The following FHIT variants were observed in gnomAD, a reference collection of about 807,000 sequenced individuals.
The protein encoded by FHIT is bis(5'-adenosyl)-triphosphatase.
FHIT carries 19 observed loss-of-function variants against 17.9 expected under a neutral mutation model. The observed-to-expected ratio is 1.06, with a 90% CI of 0.74 to 1.56. The LOEUF (loss-of-function observed/expected upper bound fraction) is 1.56, where lower values mean the gene tolerates loss of function less well. Among genes scored for constraint, FHIT ranks in the 40% most tolerant of loss-of-function variants. The pLI is 0.00. For synonymous variants in FHIT, 81 were observed against 69.7 expected (o/e 1.16, Z -0.81); for missense variants, 248 against 189.2 (o/e 1.31, Z -1.82).
rs142075112 is a variant in FHIT, at chr3:60,604,385, T to C, written c.-17-67406A>G. On this transcript the variant is annotated intron_variant, in intron 4 of 9. Transcript: ENST00000492590. Reference sequence around the variant, plus strand: ...ACCATTATAATGAGATCAAATCATATGCTAACAAAGAAATCAGTAATTAGA... The same window carrying C: ...ACCATTATAATGAGATCAAATCATACGCTAACAAAGAAATCAGTAATTAGA... 2.1e-3 allele frequency among the ~76,000 whole-genome samples: 318 copies of C among 152,258 alleles called. 2 individuals carry two copies. The highest frequency in any genetic ancestry group is 7.1e-3 in the African/African-American group (297 of 41,550).
chr3:60,831,894 G>T lies in FHIT; in HGVS notation c.-110-9883C>A, dbSNP rs548999991. Among the ~76,000 whole-genome samples the T allele has an allele frequency of 3.3e-5, 5 of 152,140 alleles. No homozygotes were observed. In the South Asian group the frequency reaches 8.3e-4, roughly 25 times the overall value. On this transcript the variant is annotated intron_variant, in intron 3 of 9. Transcript: ENST00000492590. ...AAAAGGCTTCTTTCAGCAATAGGGC[G>T]CTAAGATTTATGAGACATGATTGTA...
chr3:61,025,818 C>T (rs1254851558), intron 3 of FHIT, among the ~76,000 whole-genome samples: 1 of 152,158 alleles, frequency 6.6e-6, no homozygotes, highest in Non-Finnish European at 1.5e-5. Flanking sequence ...GCTTTTGTGA[C>T]TGTAGTTCTA....
At chr3:60,155,518 A>G (rs1700647169) in intron 5 of FHIT, among the ~76,000 whole-genome samples, 1 of 152,182 alleles carries the variant, frequency 6.6e-6, no homozygotes, top group South Asian at 2.1e-4. Flanking sequence ...TTGCCTTTGC[A>G]GAACTGCCCA....
intron 2 of FHIT, among the ~76,000 whole-genome samples, chr3:61,066,136 C>T (rs2034601107): frequency 6.6e-6 from 1 of 152,164 alleles, no homozygotes; most frequent in African/African-American, 2.4e-5. Flanking sequence ...GGATAACAAA[C>T]CCACTCTTGC....
rs114774456 is a variant in FHIT at position 59,855,373 on chromosome 3, C to T, written c.348+66973G>A. On this transcript the variant is annotated intron_variant, in intron 8 of 9. Transcript: ENST00000492590. Reference sequence around the variant, plus strand: ...GTTCCTGAGTGCCAGGTTCATCTTTCTTCTTACAGGGTTTTATTGCATGTA... The same window carrying T: ...GTTCCTGAGTGCCAGGTTCATCTTTTTTCTTACAGGGTTTTATTGCATGTA... 3.9e-3 allele frequency among the ~76,000 whole-genome samples: 598 copies of T among 152,238 alleles called. 1 individual carries two copies. Among genetic ancestry groups the T allele is most frequent in the Middle Eastern group, 0.037 (11 of 294 alleles).
At chr3:61,183,673 A>G (rs1408026704) in intron 2 of FHIT, among the ~76,000 whole-genome samples, 1 of 152,248 alleles carries the variant, frequency 6.6e-6, no homozygotes, top group Non-Finnish European at 1.5e-5. Context: ...TGACTGTAGT[A>G]TATCAAAAGC....
At chr3:61,193,316 CTAGAGAGGTGACAGGACTTTTGATCGGGA>C (rs2038768129) in intron 2 of FHIT, among the ~76,000 whole-genome samples, 1 of 152,138 alleles carries the variant, frequency 6.6e-6, no homozygotes, top group East Asian at 1.9e-4. Context: ...TGGCAGAACT[CTAGAGAGGTGACAGGACTTTTGATCGGGA>C]TAGTGATGGG....
chr3:60,465,914 T>C (rs1218791574), intron 5 of FHIT, among the ~76,000 whole-genome samples: 1 of 152,110 alleles, frequency 6.6e-6, no homozygotes, highest in Non-Finnish European at 1.5e-5. Flanking sequence ...TTTTTCTATT[T>C]TCATGAAGAA....
chr3:60,244,199 T>G (rs940329889), intron 5 of FHIT, among the ~76,000 whole-genome samples: 1 of 152,048 alleles, frequency 6.6e-6, no homozygotes, highest in Non-Finnish European at 1.5e-5. Context: ...CATTCTAATG[T>G]TCAATACTTC....
chr3:60,288,500 G>T (rs890848536), intron 5 of FHIT, among the ~76,000 whole-genome samples: 4 of 152,030 alleles, frequency 2.6e-5, no homozygotes, highest in African/African-American at 9.7e-5. Flanking sequence ...CAAAGTGACT[G>T]TGGTCCAGCA....
At chr3:60,661,376 A>AT (rs1411683037) in intron 4 of FHIT, among the ~76,000 whole-genome samples, 1 of 152,154 alleles carries the variant, frequency 6.6e-6, no homozygotes, top group African/African-American at 2.4e-5. Flanking sequence ...TGTGAATATC[A>AT]TTATTTCATT....
At chr3:61,081,275 C>T (rs1431208365) in intron 2 of FHIT, among the ~76,000 whole-genome samples, 1 of 152,158 alleles carries the variant, frequency 6.6e-6, no homozygotes, top group Non-Finnish European at 1.5e-5. Context: ...CTACTCACAC[C>T]AACCTGCCTC....
At chr3:60,945,454 A>G (rs9854994) in intron 3 of FHIT, among the ~76,000 whole-genome samples, 118,538 of 152,030 alleles carry the variant, frequency 0.78, 47,737 homozygotes, top group Middle Eastern at 0.89. Context: ...GTGCAGTGGT[A>G]CAATCTTGGC....
chr3:60,164,301 G>C (rs1323502908), intron 5 of FHIT, among the ~76,000 whole-genome samples: 3 of 152,110 alleles, frequency 2.0e-5, no homozygotes, highest in Non-Finnish European at 4.4e-5. Context: ...GTGTCAGAAT[G>C]ACATCCCACC....
chr3:60,603,908 C>T (rs2038524774), intron 4 of FHIT, among the ~76,000 whole-genome samples: 1 of 152,134 alleles, frequency 6.6e-6, no homozygotes, highest in South Asian at 2.1e-4. Context: ...TGCCCGGCTG[C>T]ATGCCACCAT....
intron 4 of FHIT, among the ~76,000 whole-genome samples, chr3:60,772,461 G>A (rs1424660862): frequency 2.0e-5 from 3 of 152,016 alleles, no homozygotes; most frequent in Admixed American, 2.0e-4. Context: ...TAGGGGAATT[G>A]ACATCATCTT....
At chr3:60,344,858 C>T (rs1710697458) in intron 5 of FHIT, among the ~76,000 whole-genome samples, 1 of 148,208 alleles carries the variant, frequency 6.7e-6, no homozygotes, top group Non-Finnish European at 1.5e-5. Flanking sequence ...TAAAAGTCTA[C>T]ATTTTAAGAT....
At chr3:61,162,772 G>C (rs999507811) in intron 2 of FHIT, among the ~76,000 whole-genome samples, 1 of 152,106 alleles carries the variant, frequency 6.6e-6, no homozygotes, top group African/African-American at 2.4e-5. Flanking sequence ...AGCAAATTGT[G>C]TTCTGTTCTC....
intron 4 of FHIT, among the ~76,000 whole-genome samples, chr3:60,645,466 T>A (rs968396984): frequency 6.6e-6 from 1 of 152,196 alleles, no homozygotes; most frequent in Non-Finnish European, 1.5e-5. Context: ...TAATGCCTCC[T>A]ATTGGGGTTT....
Sources: gnomAD v4.1 joint callset for allele counts (sites outside exome capture counted in the v4.1 genomes callset) on GRCh38, gnomAD v4.1.1 for gene constraint, MANE v1.5 for transcripts, NCBI Gene and HGNC (gene_info 2026-07-23, HGNC 2026-07-21) for gene names.